Variants in DENND1A observed in about 807,000 individuals in gnomAD.
The protein encoded by DENND1A is DENN domain-containing protein 1A.
Under a neutral mutation model 113.7 loss-of-function variants are expected in DENND1A, and 51 were observed. That is an observed-to-expected ratio of 0.45 (90% confidence interval 0.36 to 0.57). The LOEUF (loss-of-function observed/expected upper bound fraction) is 0.57, where lower values mean the gene tolerates loss of function less well. Among genes scored for constraint, DENND1A ranks in the 20% least tolerant of loss-of-function variants. DENND1A has a pLI of 0.00. For synonymous variants in DENND1A, 565 were observed against 570.8 expected, an observed-to-expected ratio of 0.99 and a Z score of 0.14; for missense variants, 1,258 against 1,395.9, an observed-to-expected ratio of 0.90 and a Z score of 1.57.
intron 2 of DENND1A, among the ~76,000 whole-genome samples, chr9:123,796,302 CA>C (rs1461221888): frequency 6.6e-6 from 1 of 152,140 alleles, no homozygotes; most frequent in Non-Finnish European, 1.5e-5. Context: ...CATATTTGAA[CA>C]CACACATTTC....
intron 21 of DENND1A, among the ~76,000 whole-genome samples, chr9:123,395,412 C>T (rs945749944): frequency 9.9e-5 from 15 of 151,644 alleles, no homozygotes; most frequent in African/African-American, 3.6e-4. Flanking sequence ...GCTCAGGCTC[C>T]ACGGCTGGCT....
chr9:123,817,093 C>G (rs531790700), intron 2 of DENND1A, among the ~76,000 whole-genome samples: 3 of 152,136 alleles, frequency 2.0e-5, no homozygotes, highest in African/African-American at 7.2e-5. Context: ...CTATAATAAC[C>G]TCAATGGTAA....
At chr9:123,487,970 T>C (rs1384148130) in intron 13 of DENND1A, among the ~76,000 whole-genome samples, 2 of 152,204 alleles carry the variant, frequency 1.3e-5, no homozygotes, top group African/African-American at 2.4e-5. Context: ...TTGCCTCCCA[T>C]GTGACCTGAA....
At chr9:123,421,419 C>T (rs2045293122) in intron 19 of DENND1A, among the ~76,000 whole-genome samples, 1 of 152,092 alleles carries the variant, frequency 6.6e-6, no homozygotes, top group Non-Finnish European at 1.5e-5. Context: ...CCCGACATAC[C>T]AACAGCAGAA....
intron 1 of DENND1A, among the ~76,000 whole-genome samples, chr9:123,903,565 G>A (rs997884684): frequency 4.6e-5 from 7 of 152,142 alleles, no homozygotes; most frequent in South Asian, 2.1e-4. Flanking sequence ...CTTGGGAAGC[G>A]CAAGGGGTCA....
intron 2 of DENND1A, among the ~76,000 whole-genome samples, chr9:123,859,128 C>T (rs1203899265): frequency 6.6e-6 from 1 of 152,158 alleles, no homozygotes; most frequent in African/African-American, 2.4e-5. Flanking sequence ...CCTTTGTTAG[C>T]ACTTACTAAC....
At chr9:123,606,267 A>G (rs897787436) in intron 11 of DENND1A, among the ~76,000 whole-genome samples, 1 of 152,204 alleles carries the variant, frequency 6.6e-6, no homozygotes, top group Admixed American at 6.5e-5. Context: ...CTTTGTTCAT[A>G]AAGTGTCTTG....
chr9:123,516,035 C>T (rs756324458), intron 13 of DENND1A, among the ~76,000 whole-genome samples: 4 of 151,970 alleles, frequency 2.6e-5, no homozygotes, highest in Non-Finnish European at 4.4e-5. Context: ...GATTGTGCCA[C>T]TGCACTCCAG....
intron 2 of DENND1A, among the ~76,000 whole-genome samples, chr9:123,830,898 AAAC>A (rs1354518306): frequency 1.7e-3 from 250 of 146,108 alleles, no homozygotes; most frequent in South Asian, 4.7e-3. Flanking sequence ...AAAAAAAAAA[AAAC>A]CAGAAAAGAA....
chr9:123,433,662 C>CT (rs1036046686), intron 19 of DENND1A, among the ~76,000 whole-genome samples: 240 of 151,674 alleles, frequency 1.6e-3, no homozygotes, highest in African/African-American at 5.4e-3. Context: ...TTTCTTTTTT[C>CT]TTTTTTTTAA....
chr9:123,725,900 C>A (rs1167874205), intron 5 of DENND1A, among the ~76,000 whole-genome samples: 1 of 152,210 alleles, frequency 6.6e-6, no homozygotes, highest in Non-Finnish European at 1.5e-5. Context: ...TAAATTCTAA[C>A]AGGTAAACAA....
At chr9:123,918,143 G>T (rs996407083) in intron 1 of DENND1A, among the ~76,000 whole-genome samples, 10 of 150,590 alleles carry the variant, frequency 6.6e-5, no homozygotes, top group Non-Finnish European at 1.3e-4. Context: ...ATAAATAAAA[G>T]AAAAGAAACT....
At chr9:123,785,738 T>G (rs1410383416) in intron 3 of DENND1A, among the ~76,000 whole-genome samples, 1 of 149,024 alleles carries the variant, frequency 6.7e-6, no homozygotes, top group Non-Finnish European at 1.5e-5. Flanking sequence ...ACCCTGTGGC[T>G]ATCATGCTAA....
chr9:123,717,185 C>T lies in DENND1A; in HGVS notation c.303-40396G>A, dbSNP rs34651082. ...TCAGATAGTTGGCAAGTGACAGCCT[C>T]TCTGGGCGTCATTAGTAAACTGAGG... On this transcript the variant is annotated intron_variant, in intron 5 of 23. Coordinates refer to ENST00000394215, the MANE Select transcript of DENND1A (RefSeq NM_001352964.2). Among the ~76,000 whole-genome samples, 1,021 of 152,232 alleles carry T rather than the reference C, an allele frequency of 6.7e-3. 3 individuals are homozygous for T. Among genetic ancestry groups the T allele is most frequent in the Non-Finnish European group, 0.011 (717 of 68,006 alleles).
chr9:123,870,995 C>G (rs183265789), intron 2 of DENND1A, among the ~76,000 whole-genome samples: 1 of 152,140 alleles, frequency 6.6e-6, no homozygotes, highest in Admixed American at 6.5e-5. Flanking sequence ...ATTAATATCT[C>G]TCTAGAACAT....
chr9:123,549,467 C>A (rs553837608), intron 13 of DENND1A, among the ~76,000 whole-genome samples: 2 of 152,158 alleles, frequency 1.3e-5, no homozygotes, highest in South Asian at 4.2e-4. Flanking sequence ...CTTGAGCCAC[C>A]GCGAGGCTGA....
At chr9:123,642,041 A>G (rs148635513) in intron 9 of DENND1A, among the ~76,000 whole-genome samples, 92 of 152,338 alleles carry the variant, frequency 6.0e-4, no homozygotes, top group African/African-American at 1.9e-3. Flanking sequence ...GAGGAAGGTA[A>G]GAGCTAGCAG....
intron 13 of DENND1A, among the ~76,000 whole-genome samples, chr9:123,514,981 T>A (rs2053782272): frequency 6.6e-6 from 1 of 152,208 alleles, no homozygotes; most frequent in South Asian, 2.1e-4. Flanking sequence ...TGGAATACGG[T>A]CATGTGTTAA....
At chr9:123,839,969 T>C (rs920083106) in intron 2 of DENND1A, among the ~76,000 whole-genome samples, 2 of 152,184 alleles carry the variant, frequency 1.3e-5, no homozygotes, top group Admixed American at 6.5e-5. Context: ...CTCCCAAATA[T>C]TATAAATGTT....
Sources: gnomAD v4.1 joint callset for allele counts (sites outside exome capture counted in the v4.1 genomes callset) on GRCh38, gnomAD v4.1.1 for gene constraint, MANE v1.5 for transcripts, NCBI Gene and HGNC (gene_info 2026-07-23, HGNC 2026-07-21) for gene names.